KALRN: variants seen among roughly 807,000 people sequenced by gnomAD.
KALRN encodes kalirin RhoGEF kinase.
A neutral mutation model predicts 353.7 loss-of-function variants in KALRN; 70 were observed. The observed-to-expected ratio is 0.20, with a 90% CI of 0.16 to 0.24. The LOEUF (loss-of-function observed/expected upper bound fraction) is 0.24, where lower values mean the gene tolerates loss of function less well. Ranked by LOEUF, KALRN falls within the 10% of genes least tolerant of loss-of-function variation. KALRN has a pLI of 1.00. For synonymous variants in KALRN, 1,391 were observed against 1,434.8 expected, an observed-to-expected ratio of 0.97 and a Z score of 0.69; for missense variants, 2,791 against 3,756.7, an observed-to-expected ratio of 0.74 and a Z score of 6.72.
intron 5 of KALRN, among the ~76,000 whole-genome samples, chr3:124,273,913 C>T (rs1367127799): frequency 2.6e-5 from 4 of 152,226 alleles, no homozygotes; most frequent in Non-Finnish European, 5.9e-5. Flanking sequence ...GATTAAGGCT[C>T]TCTGTGCAGC....
intron 9 of KALRN, among the ~76,000 whole-genome samples, chr3:124,342,150 C>CTTTATTTATTTA (rs6148051): frequency 0.037 from 5,594 of 150,696 alleles, 169 homozygotes; most frequent in African/African-American, 0.087. Context: ...GAGGGTATGC[C>CTTTATTTATTTA]TTTATTTATT....
intron 51 of KALRN, chr3:124,679,882 G>A (rs962026949): frequency 1.0e-4 from 32 of 310,446 alleles, no homozygotes; most frequent in Non-Finnish European, 1.9e-4. Flanking sequence ...CCAGCTAAAT[G>A]ACAAGGACTC....
Position 124,075,165 on chromosome 3 carries a change from A to G in KALRN, c.73+41352A>G, listed in dbSNP as rs377553173. Among the ~76,000 whole-genome samples the G allele has an allele frequency of 2.0e-5, 3 of 152,350 alleles. No individual in the cohort carries two copies. In the East Asian group the frequency reaches 5.8e-4, roughly 29 times the overall value. Reference sequence around the variant, plus strand: ...GGATCCTTTCATATGAATGGAGGCTACATGGGCACTCTGCCAGTTCTAGAG... The same window carrying G: ...GGATCCTTTCATATGAATGGAGGCTGCATGGGCACTCTGCCAGTTCTAGAG... On this transcript the variant is annotated intron_variant, in intron 1 of 59. Coordinates refer to ENST00000682506, the MANE Select transcript of KALRN (RefSeq NM_001388419.1).
intron 33 of KALRN, chr3:124,505,021 G>A (rs139207083): frequency 2.5e-5 from 12 of 473,688 alleles, no homozygotes; most frequent in Non-Finnish European, 5.2e-5. Flanking sequence ...AGGGAGGGGA[G>A]GGGAGAGCAA....
At chr3:124,047,048 C>T (rs947626782) in intron 1 of KALRN, among the ~76,000 whole-genome samples, 12 of 146,224 alleles carry the variant, frequency 8.2e-5, no homozygotes, top group African/African-American at 1.5e-4. Flanking sequence ...ATGAAGTCAA[C>T]GTTGTGAAAT....
At chr3:124,181,076 C>CAAAAAAAAAAAAAAAAAAAA (rs60579271) in intron 1 of KALRN, among the ~76,000 whole-genome samples, 4 of 55,276 alleles carry the variant, frequency 7.2e-5, no homozygotes, top group African/African-American at 1.5e-4. Flanking sequence ...ACTAAAAATA[C>CAAAAAAAAAAAAAAAAAAAA]AAAAAAAAAA....
intron 6 of KALRN, among the ~76,000 whole-genome samples, chr3:124,316,040 G>A (rs984155025): frequency 5.9e-5 from 9 of 152,156 alleles, no homozygotes; most frequent in Non-Finnish European, 1.2e-4. Context: ...AGGACGAGAC[G>A]GGCGGATGAG....
intron 39 of KALRN, among the ~76,000 whole-genome samples, chr3:124,657,229 G>A (rs943347345): frequency 6.6e-6 from 1 of 152,170 alleles, no homozygotes; most frequent in African/African-American, 2.4e-5. Context: ...TTCTTAAGGG[G>A]ACTGGAGACA....
At chr3:124,191,960 C>T (rs2150318059) in intron 1 of KALRN, among the ~76,000 whole-genome samples, 1 of 152,312 alleles carries the variant, frequency 6.6e-6, no homozygotes, top group Non-Finnish European at 1.5e-5. Context: ...AACACTAGGT[C>T]TGGGCAGATC....
intron 57 of KALRN, among the ~76,000 whole-genome samples, chr3:124,704,325 G>C (rs2062492967): frequency 6.6e-6 from 1 of 152,110 alleles, no homozygotes; most frequent in Admixed American, 6.5e-5. Flanking sequence ...TTAGCCATAG[G>C]TTAAGTCATG....
rs2079852934 is a variant in KALRN, at chr3:124,325,888, G to A, written c.1093-92G>A. The A allele has an allele frequency of 6.5e-6, 7 of 1,069,366 alleles. No homozygotes were observed. The South Asian group carries it at 1.1e-4, about 17-fold the overall frequency. 66.2% of individuals were successfully genotyped at this position (1,069,366 alleles called of 1,614,324 possible). On this transcript the variant is annotated intron_variant, in intron 6 of 59. Coordinates refer to ENST00000682506, the MANE Select transcript of KALRN (RefSeq NM_001388419.1). ...CAGCGTCTCTCAGACTTTTGTTTTG[G>A]GCAGCTCCCTTCCCCAAATATGTAC...
At chr3:124,504,858 T>C (rs1212483273) in intron 33 of KALRN, 1 of 481,798 alleles carries the variant, frequency 2.1e-6, no homozygotes, top group Non-Finnish European at 4.3e-6. Flanking sequence ...ACTTTATTAT[T>C]AGAATTTTGG....
chr3:124,353,532 G>A (rs572269242), intron 10 of KALRN, among the ~76,000 whole-genome samples: 14 of 152,114 alleles, frequency 9.2e-5, no homozygotes, highest in Non-Finnish European at 1.5e-4. Flanking sequence ...TGCTCCTTTA[G>A]GATTTTCAAG....
chr3:124,559,464 T>C (rs951666492), intron 33 of KALRN, among the ~76,000 whole-genome samples: 3 of 152,038 alleles, frequency 2.0e-5, no homozygotes, highest in Admixed American at 2.0e-4. Context: ...TGAGAGCTCC[T>C]GGGAAGGGGG....
chr3:124,332,761 GT>G (rs1247127301), intron 8 of KALRN, among the ~76,000 whole-genome samples: 3 of 152,134 alleles, frequency 2.0e-5, no homozygotes, highest in Admixed American at 6.5e-5. Context: ...TTCTCTGCAT[GT>G]TCTAGAAAAA....
chr3:124,687,995 C>G (rs2061639007), intron 51 of KALRN, among the ~76,000 whole-genome samples: 1 of 152,072 alleles, frequency 6.6e-6, no homozygotes, highest in Non-Finnish European at 1.5e-5. Flanking sequence ...AAAATTACAG[C>G]TTGTCTTATG....
At chr3:124,155,438 C>T (rs575396729) in intron 1 of KALRN, among the ~76,000 whole-genome samples, 1 of 152,296 alleles carries the variant, frequency 6.6e-6, no homozygotes, top group South Asian at 2.1e-4. Flanking sequence ...AAGTAAGTGG[C>T]TTATCTCTTG....
Position 124,702,024 on chromosome 3 carries a change from T to C in KALRN, c.7997-14T>C. On this transcript the variant is annotated splice_polypyrimidine_tract_variant and intron_variant, in intron 56 of 59. Transcript: ENST00000682506. ...CATCCTCGATATTGTAAATGGATTC[T>C]CTTTCTTCCGAAGATGCTGCTGCTG... 3 of 1,608,748 alleles carry C rather than the reference T, an allele frequency of 1.9e-6. No homozygotes were observed. Among genetic ancestry groups the C allele is most frequent in the Non-Finnish European group, 2.6e-6 (3 of 1,175,502 alleles).
chr3:124,404,153 G>GGAAAAAAAAAA (rs537844244), intron 13 of KALRN, among the ~76,000 whole-genome samples: 1 of 123,600 alleles, frequency 8.1e-6, no homozygotes, highest in African/African-American at 3.3e-5. Context: ...CTGCTCTCTG[G>GGAAAAAAAAAA]AAAAAAAAAA....
Sources: allele counts gnomAD v4.1 joint callset (sites outside exome capture counted in the v4.1 genomes callset), GRCh38; gene constraint gnomAD v4.1.1; transcripts MANE v1.5; gene names NCBI Gene and HGNC (gene_info 2026-07-23, HGNC 2026-07-21).